The following PTGIS variants were observed in gnomAD, a reference collection of about 807,000 sequenced individuals.
PTGIS encodes the protein prostaglandin I2 synthase.
A neutral mutation model predicts 50.3 loss-of-function variants in PTGIS; 45 were observed. The observed-to-expected ratio is 0.90, with a 90% CI of 0.70 to 1.15. PTGIS has a LOEUF of 1.15. PTGIS is among the 50% of genes most tolerant of loss of function. The pLI, the probability that PTGIS is intolerant of heterozygous loss-of-function variation, is 0.00. For synonymous variants in PTGIS, 260 were observed against 267.7 expected (o/e 0.97, Z 0.28); for missense variants, 668 against 661.3 (o/e 1.01, Z -0.11).
chr20:49,542,784 G>A (rs1982263924), intron 4 of PTGIS, among the ~76,000 whole-genome samples: 1 of 152,206 alleles, frequency 6.6e-6, no homozygotes, highest in South Asian at 2.1e-4. Flanking sequence ...GCTGAGAGCT[G>A]TGGCTGAGAG....
chr20:49,543,203 C>T (rs972541579), intron 4 of PTGIS, among the ~76,000 whole-genome samples: 3 of 152,096 alleles, frequency 2.0e-5, no homozygotes, highest in Admixed American at 1.3e-4. Flanking sequence ...ACCGCTGCCC[C>T]AGTCAAATCT....
At chr20:49,545,186 G>A (rs185187636) in intron 3 of PTGIS, among the ~76,000 whole-genome samples, 8 of 151,816 alleles carry the variant, frequency 5.3e-5, no homozygotes, top group East Asian at 3.9e-4. Context: ...TGGGAGGATC[G>A]CCTGAGTCTA....
rs377311944 is a variant in PTGIS at position 49,524,045 on chromosome 20, C to T, written c.855+13G>A. 1.3e-4 allele frequency: 202 copies of T among 1,614,228 alleles called. 1 individual carries two copies. In the African/African-American group the frequency reaches 2.5e-3, roughly 20 times the overall value. The stretch of plus-strand genomic sequence containing the variant: ...GCACACCTGCACACACCCACTTGCA[C>T]ATTCACACCCACCTGTGTGGCCCAC... On this transcript the variant is annotated intron_variant, in intron 6 of 9. Transcript: ENST00000244043.
In PTGIS at chr20:49,539,600, GGAGCAGCCGGTC is replaced by G; in HGVS notation, c.631_642del (p.Asp211_Leu214del). ...GACAGGGAGCCACGGGCCAGTTTGG[GGAGCAGCCGGTC>G]GAGCTGGCGAAAGGTGTGGAAGACA... On this transcript the variant is annotated inframe_deletion, in exon 5 of 10. Coordinates refer to ENST00000244043, the MANE Select transcript of PTGIS (RefSeq NM_000961.4). 6.2e-7 allele frequency: 1 copy of G among 1,613,960 alleles called. No individual in the cohort carries two copies. Among genetic ancestry groups the G allele is most frequent in the Non-Finnish European group, 8.5e-7 (1 of 1,180,004 alleles).
chr20:49,527,018 C>T (rs959656805), intron 5 of PTGIS, among the ~76,000 whole-genome samples: 1 of 152,134 alleles, frequency 6.6e-6, no homozygotes, highest in African/African-American at 2.4e-5. Context: ...GATACTCGTG[C>T]ACCAATGTTC....
chr20:49,524,089 C>G lies in PTGIS; in HGVS notation c.824G>C (p.Arg275Pro), dbSNP rs61734270. Reference sequence around the variant, plus strand: ...GGCCCACAGCTGCAGCACCAGGGCCCGTGCCTGCATCTCCTCTGACACACC... The same window carrying G: ...GGCCCACAGCTGCAGCACCAGGGCCGGTGCCTGCATCTCCTCTGACACACC... The part of the protein sequence containing the change: ...EMGVSEEMQA[R>P]ALVLQLWATQ... The change falls in exon 6 of 10, where the codon CGG becomes CCG. Residue 275 changes from arginine to proline, a missense_variant. Coordinates refer to ENST00000244043, the MANE Select transcript of PTGIS (RefSeq NM_000961.4). 1.2e-6 allele frequency: 2 copies of G among 1,614,222 alleles called. No individual in the cohort carries two copies. The highest frequency in any genetic ancestry group is 1.7e-6 in the Non-Finnish European group (2 of 1,180,038).
In PTGIS at chr20:49,505,429, T is replaced by C. The variant is rs1601173092; in HGVS notation, c.*2491A>G. Reference sequence around the variant, plus strand: ...ATCTCAGGTAACAGCTGGAGCTGCCTGGTGGGAGCACATCTTTTCCTTGAG... The same window carrying C: ...ATCTCAGGTAACAGCTGGAGCTGCCCGGTGGGAGCACATCTTTTCCTTGAG... On this transcript the variant is annotated 3_prime_UTR_variant, in exon 10 of 10. Transcript: ENST00000244043. 6.6e-6 allele frequency: 1 copy of C among 152,364 alleles called. No individual in the cohort carries two copies. Among genetic ancestry groups the C allele is most frequent in the East Asian group, 1.9e-4 (1 of 5,182 alleles). The allele number at this position is 152,364 out of a possible 1,614,324, so 9.4% of individuals were successfully genotyped here.
intron 5 of PTGIS, among the ~76,000 whole-genome samples, chr20:49,534,785 A>G (rs1228603682): frequency 6.6e-6 from 1 of 152,198 alleles, no homozygotes; most frequent in Non-Finnish European, 1.5e-5. Context: ...TAAAAAGATA[A>G]TAAAGGACAC....
rs1312063651 is a variant in PTGIS at position 49,505,720 on chromosome 20, G to C, written c.*2200C>G. ...GGAAACCGGCTCTGTCCTCCCACTG[G>C]AGGCTGCCAGCTCTGATTTCCTGCA... On this transcript the variant is annotated 3_prime_UTR_variant, in exon 10 of 10. Coordinates refer to ENST00000244043, the MANE Select transcript of PTGIS (RefSeq NM_000961.4). 6.5e-6 allele frequency: 1 copy of C among 152,682 alleles called. No individual in the cohort carries two copies. The highest frequency in any genetic ancestry group is 1.5e-5 in the Non-Finnish European group (1 of 68,074). 9.5% of individuals were successfully genotyped at this position (152,682 alleles called of 1,614,324 possible).
intron 1 of PTGIS, among the ~76,000 whole-genome samples, chr20:49,557,725 T>G (rs951204501): frequency 6.6e-6 from 1 of 152,326 alleles, no homozygotes; most frequent in Middle Eastern, 3.4e-3. Flanking sequence ...CCTAAGCAGA[T>G]AGCTACAGAT....
Position 49,568,128 on chromosome 20 carries a change from C to CGGGGCTGGGGGGGCTGGG in PTGIS, c.-13_-12insCCCAGCCCCCCCAGCCCC. 8.9e-7 allele frequency: 1 copy of CGGGGCTGGGGGGGCTGGG among 1,118,004 alleles called. No individual in the cohort carries two copies. Among genetic ancestry groups the CGGGGCTGGGGGGGCTGGG allele is most frequent in the Non-Finnish European group, 1.2e-6 (1 of 860,486 alleles). 69.3% of individuals were successfully genotyped at this position (1,118,004 alleles called of 1,614,324 possible). Reference sequence around the variant, plus strand: ...GCGGCCCAAGCCATCGCGGGGCTGGCGGGGCTGGCGGGGCTGGCGGGGCTG... The same window carrying CGGGGCTGGGGGGGCTGGG: ...GCGGCCCAAGCCATCGCGGGGCTGGCGGGGCTGGGGGGGCTGGGGGGGCTGGCGGGGCTGGCGGGGCTG... On this transcript the variant is annotated 5_prime_UTR_variant, in exon 1 of 10. Coordinates refer to ENST00000244043, the MANE Select transcript of PTGIS (RefSeq NM_000961.4).
chr20:49,555,740 CT>C (rs1982610580), intron 1 of PTGIS, among the ~76,000 whole-genome samples: 2 of 152,176 alleles, frequency 1.3e-5, no homozygotes, highest in Non-Finnish European at 2.9e-5. Context: ...TCAATTGTGT[CT>C]TTAACTATGG....
intron 5 of PTGIS, among the ~76,000 whole-genome samples, chr20:49,527,109 G>A (rs1172050659): frequency 3.9e-5 from 6 of 152,180 alleles, no homozygotes; most frequent in South Asian, 2.1e-4. Flanking sequence ...ATAGAATGCA[G>A]TATATACACA....
At chr20:49,519,985 C>T (rs1348123026) in intron 6 of PTGIS, among the ~76,000 whole-genome samples, 1 of 152,184 alleles carries the variant, frequency 6.6e-6, no homozygotes, top group Non-Finnish European at 1.5e-5. Flanking sequence ...AGTCTCTTGT[C>T]AGCGCTGCAG....
At chr20:49,549,262 T>A (rs1423182069) in intron 2 of PTGIS, among the ~76,000 whole-genome samples, 5 of 151,850 alleles carry the variant, frequency 3.3e-5, no homozygotes, top group Non-Finnish European at 7.3e-5. Flanking sequence ...TAAAATGGCA[T>A]AATATTTGCA....
chr20:49,520,474 C>T (rs533720480), intron 6 of PTGIS, among the ~76,000 whole-genome samples: 16 of 152,056 alleles, frequency 1.1e-4, no homozygotes, highest in African/African-American at 3.6e-4. Flanking sequence ...GCTGGGATTA[C>T]GGGCCTGTGC....
intron 5 of PTGIS, among the ~76,000 whole-genome samples, chr20:49,533,436 A>G (rs1981987066): frequency 1.3e-5 from 2 of 152,094 alleles, no homozygotes; most frequent in Admixed American, 1.3e-4. Context: ...CCAACTCCCT[A>G]CTGTATGAGA....
Position 49,524,185 on chromosome 20 carries a change from G to A in PTGIS, c.728C>T (p.Pro243Leu). The change falls in exon 6 of 10, where the codon CCA becomes CTA. Residue 243 changes from proline (P) to leucine (L), a missense_variant. Pro to Leu is a moderately conservative substitution (Grantham distance 98). Transcript: ENST00000244043. ...VKSRLWKLLSPARLARRAHRS... is the reference protein window; with the variant it reads ...VKSRLWKLLSLARLARRAHRS... ...GTGGGCCCGCCTGGCCAGCCTGGCT[G>A]GGGATAGCAGCTTCCACAGGCGACT... 4 of 1,614,208 alleles carry A rather than the reference G, an allele frequency of 2.5e-6. No individual in the cohort carries two copies. Among genetic ancestry groups the A allele is most frequent in the Non-Finnish European group, 2.5e-6 (3 of 1,180,020 alleles).
rs554572671 is a variant in PTGIS, at chr20:49,548,067, C to A, written c.199-48G>T. ...GAGTGAGGAGTGTCACTGTGAACAG[C>A]AGCCGCTCTCAGTGGTCAGGGCCTT... On this transcript the variant is annotated intron_variant, in intron 2 of 9. Transcript: ENST00000244043. 2.8e-5 allele frequency: 44 copies of A among 1,559,812 alleles called. No homozygotes were observed. In the South Asian group the frequency reaches 4.1e-4, roughly 15 times the overall value.
Sources: allele counts gnomAD v4.1 joint callset (sites outside exome capture counted in the v4.1 genomes callset), GRCh38; gene constraint gnomAD v4.1.1; transcripts MANE v1.5; gene names NCBI Gene and HGNC (gene_info 2026-07-23, HGNC 2026-07-21).